The following GON4L variants were observed in gnomAD, a reference collection of about 807,000 sequenced individuals.
GON4L encodes GON-4-like protein.
Under a neutral mutation model 211.8 loss-of-function variants are expected in GON4L, and 87 were observed. The observed-to-expected ratio is 0.41, with a 90% CI of 0.35 to 0.49. The LOEUF (loss-of-function observed/expected upper bound fraction) is 0.49. Ranked by LOEUF, GON4L falls within the 20% of genes least tolerant of loss-of-function variation. The probability of loss-of-function intolerance (pLI) is 0.15; values close to 1 mark genes in which losing one functional copy is unlikely to be tolerated. For missense variants in GON4L, 2,155 were observed against 2,659.5 expected, an observed-to-expected ratio of 0.81 and a Z score of 4.17; for synonymous variants, 875 against 962.6, an observed-to-expected ratio of 0.91 and a Z score of 1.68.
At chr1:155,849,285 C>A (rs1671546555) in intron 2 of GON4L, among the ~76,000 whole-genome samples, 1 of 151,912 alleles carries the variant, frequency 6.6e-6, no homozygotes, top group Non-Finnish European at 1.5e-5. Context: ...GTGGCTCACA[C>A]CTGTAATCCC....
At chr1:155,838,527 C>T (rs1185857905) in intron 2 of GON4L, among the ~76,000 whole-genome samples, 2 of 152,066 alleles carry the variant, frequency 1.3e-5, no homozygotes, top group Non-Finnish European at 2.9e-5. Flanking sequence ...GTAATCCCAG[C>T]ACTTTGGGTG....
Position 155,840,398 on chromosome 1 carries a change from G to A in GON4L, c.505+12878C>T, listed in dbSNP as rs114392943. ...GTTCTGTGTCAATACAGTATTTTGG[G>A]CTTTTTAACATCTTTTACAAATGCC... On this transcript the variant is annotated intron_variant, in intron 2 of 31. Coordinates refer to ENST00000368331, the MANE Select transcript of GON4L (RefSeq NM_001282860.2). Among the ~76,000 whole-genome samples, 353 of 152,150 alleles carry A rather than the reference G, an allele frequency of 2.3e-3. 1 individual carries two copies. The highest frequency in any genetic ancestry group is 8.2e-3 in the African/African-American group (342 of 41,506).
chr1:155,749,155 G>C (rs1660367700), downstream of GON4L, among the ~76,000 whole-genome samples: 1 of 152,166 alleles, frequency 6.6e-6, no homozygotes. Context: ...GGGAGGATGA[G>C]GCAGAAGAAT....
downstream of GON4L, among the ~76,000 whole-genome samples, chr1:155,749,100 A>C (rs1306418113): frequency 6.6e-6 from 1 of 152,046 alleles, no homozygotes; most frequent in East Asian, 1.9e-4. Context: ...TAAAAACATA[A>C]AATTAGCCAG....
At chr1:155,848,734 T>A (rs932817543) in intron 2 of GON4L, among the ~76,000 whole-genome samples, 3 of 152,206 alleles carry the variant, frequency 2.0e-5, no homozygotes, top group Non-Finnish European at 4.4e-5. Context: ...AGAGATTATG[T>A]TTTAAACCAA....
chr1:155,791,579 T>C (rs534289795), intron 12 of GON4L, among the ~76,000 whole-genome samples: 11 of 147,796 alleles, frequency 7.4e-5, no homozygotes, highest in South Asian at 2.1e-4. Context: ...AAAAGACAAA[T>C]AGGAGGCCGG....
chr1:155,857,551 G>A (rs1403561624), upstream of GON4L, among the ~76,000 whole-genome samples: 2 of 152,146 alleles, frequency 1.3e-5, no homozygotes, highest in Admixed American at 1.3e-4. Flanking sequence ...CTAACATGGT[G>A]AAACCCCGTC....
chr1:155,801,662 C>T (rs1666677686), intron 11 of GON4L, among the ~76,000 whole-genome samples: 1 of 150,734 alleles, frequency 6.6e-6, no homozygotes, highest in African/African-American at 2.4e-5. Flanking sequence ...GAGGGTGGAT[C>T]ACCTGAGGTC....
chr1:155,839,762 T>A (rs1365897912), intron 2 of GON4L, among the ~76,000 whole-genome samples: 1 of 152,120 alleles, frequency 6.6e-6, no homozygotes, highest in Non-Finnish European at 1.5e-5. Context: ...TAAAAAGAAT[T>A]GTTTATGTGA....
chr1:155,765,555 A>C lies in GON4L; in HGVS notation c.3918T>G (p.Pro1306=), dbSNP rs1183719557. 1 of 1,614,182 alleles carries C rather than the reference A, an allele frequency of 6.2e-7. No individual in the cohort carries two copies. The highest frequency in any genetic ancestry group is 2.2e-5 in the East Asian group (1 of 44,880). The change falls in exon 21 of 32, where the codon CCT becomes CCG. Residue 1306 remains proline (P), a synonymous_variant. Transcript: ENST00000368331. The part of the protein sequence containing the change: ...EEGRQALEPL[P]QGIQESLNNP... ...TGTTTAGAGACTCCTGGATGCCCTG[A>C]GGGAGCGGCTCCAGAGCTTGCCTCC...
chr1:155,767,210 C>A, intron 20 of GON4L: 1 of 1,183,600 alleles, frequency 8.4e-7, no homozygotes. Flanking sequence ...CTGTGAATTT[C>A]CTTTAGCAAA....
upstream of GON4L, among the ~76,000 whole-genome samples, chr1:155,858,993 CT>C (rs2102547797): frequency 6.6e-6 from 1 of 152,190 alleles, no homozygotes; most frequent in African/African-American, 2.4e-5. Flanking sequence ...CCGTGCCCGG[CT>C]GTTTTTTTAA....
At chr1:155,745,667 G>A (rs1011089973), downstream of GON4L, among the ~76,000 whole-genome samples, 3 of 152,202 alleles carry the variant, frequency 2.0e-5, no homozygotes, top group Admixed American at 6.5e-5. Flanking sequence ...CGTCTAGGAA[G>A]AGGTAGGAAA....
chr1:155,765,966 C>A lies in GON4L; in HGVS notation c.3507G>T (p.Ala1169=). ...GGCNMIQPVN[A]AVAQSPQTIP... ...TAGTCTGGGGACTCTGGGCCACAGC[C>A]GCATTGACAGGCTGGATCATGTTAC... Residue 1169 remains alanine, a synonymous_variant, in exon 21 of 32, where the codon GCG becomes GCT. Transcript: ENST00000368331. 1 of 1,614,094 alleles carries A rather than the reference C, an allele frequency of 6.2e-7. No individual in the cohort carries two copies. Among genetic ancestry groups the A allele is most frequent in the East Asian group, 2.2e-5 (1 of 44,878 alleles).
At chr1:155,837,683 T>C (rs546123216) in intron 2 of GON4L, among the ~76,000 whole-genome samples, 1 of 152,054 alleles carries the variant, frequency 6.6e-6, no homozygotes, top group Non-Finnish European at 1.5e-5. Context: ...CTACTCTCCC[T>C]CCTTTCCCTC....
intron 12 of GON4L, among the ~76,000 whole-genome samples, chr1:155,787,465 G>A (rs1041748834): frequency 6.6e-6 from 1 of 152,126 alleles, no homozygotes; most frequent in African/African-American, 2.4e-5. Flanking sequence ...CCCTTCTTAA[G>A]AGGACATTAA....
chr1:155,835,481 T>C (rs6427290), intron 2 of GON4L, among the ~76,000 whole-genome samples: 141,951 of 151,646 alleles, frequency 0.94, 67,198 homozygotes, highest in East Asian at 1. Context: ...AAAAAAAATC[T>C]GCCCCTTATT....
At chr1:155,831,583 C>G (rs935256274) in intron 2 of GON4L, 1 of 151,924 alleles carries the variant, frequency 6.6e-6, no homozygotes, top group Non-Finnish European at 1.5e-5. Context: ...TCATTTAAGG[C>G]CAGGAATTGT....
rs187289032 is a variant in GON4L at position 155,813,724 on chromosome 1, C to T, written c.1362G>A (p.Pro454=). 4.8e-5 allele frequency: 78 copies of T among 1,613,574 alleles called. No homozygotes were observed. Among genetic ancestry groups the T allele is most frequent in the Admixed American group, 2.8e-4 (17 of 59,996 alleles). ...VPMGPPPPPK[P]KQTRDSTFME... ...TGAAAGTACTATCTCTGGTCTGTTT[C>T]GGCTTTGGAGGGGGCGGGGGCCCCA... is the stretch of plus-strand genomic sequence containing the variant. Residue 454 remains proline, a synonymous_variant, in exon 10 of 32, where the codon CCG becomes CCA. Coordinates refer to ENST00000368331, the MANE Select transcript of GON4L (RefSeq NM_001282860.2).
Sources: allele counts gnomAD v4.1 joint callset (sites outside exome capture counted in the v4.1 genomes callset), GRCh38; gene constraint gnomAD v4.1.1; transcripts MANE v1.5; gene names NCBI Gene and HGNC (gene_info 2026-07-23, HGNC 2026-07-21).